Variants in LYPLAL1 observed in about 807,000 individuals in gnomAD.
The protein encoded by LYPLAL1 is lysophospholipase like 1.
LYPLAL1 carries 23 observed loss-of-function variants against 19.7 expected under a neutral mutation model. The observed-to-expected ratio is 1.17, with a 90% CI of 0.84 to 1.65. The LOEUF (loss-of-function observed/expected upper bound fraction) is 1.65. Ranked by LOEUF, LYPLAL1 falls within the 40% of genes most tolerant of loss-of-function variation. The pLI is 0.00. For missense variants in LYPLAL1, 355 were observed against 279.4 expected (o/e 1.27, Z -1.93); for synonymous variants, 119 against 96.3 (o/e 1.24, Z -1.38).
At chr1:219,241,134 C>CTCTCTCTATATATATATATATA in the LYPLAL1 span, among the ~76,000 whole-genome samples, 41 of 44,338 alleles carry the variant, frequency 9.2e-4, no homozygotes, top group Non-Finnish European at 1.6e-3. Flanking sequence ...CTCTCTCTCT[C>CTCTCTCTATATATATATATATA]TATATATATA....
the LYPLAL1 span, among the ~76,000 whole-genome samples, chr1:219,388,962 T>C: frequency 6.6e-6 from 1 of 152,176 alleles, no homozygotes; most frequent in Non-Finnish European, 1.5e-5. Flanking sequence ...ACACAGCTAC[T>C]CCACACCTGA....
At chr1:219,215,605 G>A (rs1258271801), downstream of LYPLAL1, among the ~76,000 whole-genome samples, 1 of 152,158 alleles carries the variant, frequency 6.6e-6, no homozygotes, top group East Asian at 1.9e-4. Context: ...CAGTTCACTT[G>A]TCTCTCATAC....
chr1:219,375,748 T>TTC, the LYPLAL1 span, among the ~76,000 whole-genome samples: 4 of 150,914 alleles, frequency 2.7e-5, no homozygotes, highest in African/African-American at 9.7e-5. Flanking sequence ...TTTTTTTTTT[T>TTC]TTTTTGGCGT....
chr1:219,370,819 T>C, the LYPLAL1 span, among the ~76,000 whole-genome samples: 1 of 152,100 alleles, frequency 6.6e-6, no homozygotes, highest in Non-Finnish European at 1.5e-5. Context: ...CCCCAAGAAA[T>C]TGGGCTTCTG....
the LYPLAL1 span, among the ~76,000 whole-genome samples, chr1:219,330,395 G>A: frequency 6.6e-6 from 1 of 152,126 alleles, no homozygotes; most frequent in Non-Finnish European, 1.5e-5. Context: ...ATCATCTTCT[G>A]TGTGACAATG....
At chr1:219,312,880 C>A in the LYPLAL1 span, among the ~76,000 whole-genome samples, 4 of 152,276 alleles carry the variant, frequency 2.6e-5, no homozygotes, top group African/African-American at 9.6e-5. Context: ...AGCTTACTAA[C>A]CAGAAGTCTT....
chr1:219,416,508 G>A, the LYPLAL1 span, among the ~76,000 whole-genome samples: 1 of 152,328 alleles, frequency 6.6e-6, no homozygotes, highest in South Asian at 2.1e-4. Context: ...GCTCCTTGTA[G>A]AGTAGGGCCA....
the LYPLAL1 span, among the ~76,000 whole-genome samples, chr1:219,406,683 G>A: frequency 6.6e-6 from 1 of 152,224 alleles, no homozygotes; most frequent in Non-Finnish European, 1.5e-5. Context: ...GCTGAACCCA[G>A]ATTTTGTAAC....
At chr1:219,350,778 T>C in the LYPLAL1 span, among the ~76,000 whole-genome samples, 21 of 152,224 alleles carry the variant, frequency 1.4e-4, no homozygotes, top group African/African-American at 3.9e-4. Context: ...ATGATTTTTA[T>C]TGAGCCAAGG....
At chr1:219,430,130 C>T in the LYPLAL1 span, among the ~76,000 whole-genome samples, 1 of 151,868 alleles carries the variant, frequency 6.6e-6, no homozygotes. Context: ...CTCATCTTTA[C>T]CAAAACTAGA....
chr1:219,346,292 C>T, the LYPLAL1 span, among the ~76,000 whole-genome samples: 1 of 152,022 alleles, frequency 6.6e-6, no homozygotes, highest in Non-Finnish European at 1.5e-5. Context: ...GGAAAGGTGG[C>T]CAACTGAAAG....
the LYPLAL1 span, among the ~76,000 whole-genome samples, chr1:219,382,335 T>C: frequency 6.6e-5 from 10 of 152,284 alleles, no homozygotes; most frequent in African/African-American, 2.2e-4. Context: ...CATTGCAAAC[T>C]GCATTCCAAG....
chr1:219,444,295 AAAC>A, the LYPLAL1 span, among the ~76,000 whole-genome samples: 1 of 152,172 alleles, frequency 6.6e-6, no homozygotes, highest in Non-Finnish European at 1.5e-5. Flanking sequence ...TAACTTTTCC[AAAC>A]AACAACTGCC....
At chr1:219,279,192 A>G in the LYPLAL1 span, among the ~76,000 whole-genome samples, 2 of 152,222 alleles carry the variant, frequency 1.3e-5, no homozygotes, top group African/African-American at 4.8e-5. Flanking sequence ...TCTTGCATCC[A>G]GGCAATATTC....
chr1:219,414,743 G>A, the LYPLAL1 span, among the ~76,000 whole-genome samples: 2 of 152,170 alleles, frequency 1.3e-5, no homozygotes, highest in African/African-American at 4.8e-5. Flanking sequence ...AGAGAAATCT[G>A]AAGGACCAAT....
chr1:219,198,736 T>A (rs1016521387), intron 3 of LYPLAL1: 2 of 152,188 alleles, frequency 1.3e-5, no homozygotes, highest in Non-Finnish European at 2.9e-5. Context: ...GCTAAAGCTA[T>A]GTTTTAATAT....
At chr1:219,179,123 A>G in intron 1 of LYPLAL1, 24 bp from the exon 2 acceptor site, 2 of 1,501,506 alleles carry the variant, frequency 1.3e-6, no homozygotes, top group Admixed American at 1.9e-5. Flanking sequence ...TATTTATTTT[A>G]ATCTAGATTT....
At chr1:219,379,102 C>G in the LYPLAL1 span, among the ~76,000 whole-genome samples, 3 of 152,010 alleles carry the variant, frequency 2.0e-5, no homozygotes, top group African/African-American at 7.2e-5. Context: ...TAAGTTTAAC[C>G]GTAATATTTG....
At chr1:219,229,294 T>TGAGAGAGAGAGAGAGAGAGAGAGA in the LYPLAL1 span, among the ~76,000 whole-genome samples, 20 of 133,024 alleles carry the variant, frequency 1.5e-4, no homozygotes, top group African/African-American at 4.3e-4. Context: ...ACAAGCATTT[T>TGAGAGAGAGAGAGAGAGAGAGAGA]GAGAGAGAGA....
Sources: allele counts gnomAD v4.1 joint callset (sites outside exome capture counted in the v4.1 genomes callset), GRCh38; gene constraint gnomAD v4.1.1; transcripts MANE v1.5; gene names NCBI Gene and HGNC (gene_info 2026-07-23, HGNC 2026-07-21).